LINGO1: variants seen among roughly 807,000 people sequenced by gnomAD.
LINGO1 encodes leucine-rich repeat and immunoglobulin-like domain-containing nogo receptor-interacting protein 1.
In LINGO1, 11 loss-of-function variants were observed where a neutral mutation model predicts 37.3. The observed-to-expected ratio is 0.29, with a 90% CI of 0.19 to 0.49. The LOEUF (loss-of-function observed/expected upper bound fraction) is 0.49. LINGO1 is among the 20% of genes least tolerant of loss of function. The pLI is 0.99. For synonymous variants in LINGO1, 387 were observed against 403.0 expected, an observed-to-expected ratio of 0.96 and a Z score of 0.48; for missense variants, 585 against 878.2, an observed-to-expected ratio of 0.67 and a Z score of 4.22.
At chr15:77,629,617 C>G (rs929807524) in intron 1 of LINGO1, among the ~76,000 whole-genome samples, 1 of 152,196 alleles carries the variant, frequency 6.6e-6, no homozygotes, top group Non-Finnish European at 1.5e-5. Flanking sequence ...TTGACATCAT[C>G]TAGCTCTGTG....
intron 1 of LINGO1, among the ~76,000 whole-genome samples, chr15:77,737,973 A>G (rs1336554802): frequency 6.6e-6 from 1 of 152,128 alleles, no homozygotes; most frequent in African/African-American, 2.4e-5. Flanking sequence ...GTTCGTGTTC[A>G]GAGGCCTATT....
At chr15:77,640,795 G>A (rs906885384) in intron 3 of LINGO1, among the ~76,000 whole-genome samples, 4 of 151,464 alleles carry the variant, frequency 2.6e-5, no homozygotes, top group Admixed American at 6.6e-5. Flanking sequence ...CATTGGTGGT[G>A]AGACAGGTGG....
At chr15:77,751,575 C>T (rs1021193293) in intron 1 of LINGO1, among the ~76,000 whole-genome samples, 1 of 152,142 alleles carries the variant, frequency 6.6e-6, no homozygotes, top group African/African-American at 2.4e-5. Context: ...TGGAGGGCTT[C>T]CTGGAGAAGG....
At chr15:77,655,652 C>T (rs1821809853) in intron 3 of LINGO1, among the ~76,000 whole-genome samples, 1 of 152,210 alleles carries the variant, frequency 6.6e-6, no homozygotes, top group Non-Finnish European at 1.5e-5. Context: ...TACCACCATA[C>T]CCATCTTACA....
At chr15:77,647,217 C>T (rs1226503387) in intron 3 of LINGO1, among the ~76,000 whole-genome samples, 3 of 152,044 alleles carry the variant, frequency 2.0e-5, no homozygotes, top group Non-Finnish European at 4.4e-5. Flanking sequence ...GGCAGGGTAG[C>T]TCTCGGATCA....
intron 3 of LINGO1, among the ~76,000 whole-genome samples, chr15:77,665,321 G>T (rs148405410): frequency 6.6e-6 from 1 of 152,126 alleles, no homozygotes; most frequent in African/African-American, 2.4e-5. Flanking sequence ...CAGATACCAC[G>T]CTTTGCCCTG....
At chr15:77,788,567 T>G (rs1348422022), upstream of LINGO1, 1 of 152,186 alleles carries the variant, frequency 6.6e-6, no homozygotes, top group Non-Finnish European at 1.5e-5. Flanking sequence ...CGGCACTCCT[T>G]GAGGGCCAGG....
rs1199506880 is a variant in LINGO1 at position 77,749,770 on chromosome 15, T to C, written c.-256-14717A>G. Reference sequence around the variant, plus strand: ...AGGGGAAGAAGTCAGTTATTGGCCATAGAGTTAGTCAAACATCTTCTCTCT... The same window carrying C: ...AGGGGAAGAAGTCAGTTATTGGCCACAGAGTTAGTCAAACATCTTCTCTCT... On this transcript the variant is annotated intron_variant, in intron 1 of 3. Coordinates refer to the LINGO1 transcript ENST00000561686. Among the ~76,000 whole-genome samples the C allele has an allele frequency of 7.9e-5, 12 of 152,140 alleles. 1 individual carries two copies. The highest frequency in any genetic ancestry group is 2.6e-4 in the Admixed American group (4 of 15,288).
At chr15:77,768,973 T>A (rs1270425336) in intron 1 of LINGO1, among the ~76,000 whole-genome samples, 1 of 152,150 alleles carries the variant, frequency 6.6e-6, no homozygotes, top group Non-Finnish European at 1.5e-5. Flanking sequence ...CCCTGTCCCC[T>A]CCATAGAACC....
intron 1 of LINGO1, among the ~76,000 whole-genome samples, chr15:77,628,959 C>G (rs115037558): frequency 0.016 from 2,444 of 152,328 alleles, 44 homozygotes; most frequent in African/African-American, 0.05. Flanking sequence ...GTAGCTAGCA[C>G]TTATTACAGG....
rs1596016954 is a variant in LINGO1, at chr15:77,632,262, C to A, written c.6+48G>T. On this transcript the variant is annotated intron_variant, in intron 1 of 1. Coordinates refer to ENST00000355300, the MANE Select transcript of LINGO1 (RefSeq NM_032808.7). The surrounding 1 kb of genome is among the most constrained non-coding windows in gnomAD (Gnocchi z 6.0). ...GCCGATGGCGGCCCCCAGGGGCACT[C>A]GCCGCGGGGCTGCCCGCTCGGGGCT... The A allele has an allele frequency of 7.4e-7, 1 of 1,347,786 alleles. No individual in the cohort carries two copies. The highest frequency in any genetic ancestry group is 1.9e-5 in the South Asian group (1 of 53,524). The allele number at this position is 1,347,786 out of a possible 1,614,324, so 83.5% of individuals were successfully genotyped here.
chr15:77,672,000 G>GCCGCCTCCTCCTCCTCCTCCTCCTCCT (rs1344106118), intron 3 of LINGO1, among the ~76,000 whole-genome samples: 4 of 145,570 alleles, frequency 2.7e-5, no homozygotes, highest in African/African-American at 1.1e-4. Context: ...ATGAGCCTCT[G>GCCGCCTCCTCCTCCTCCTCCTCCTCCT]CCTCCTCCTC....
At chr15:77,684,389 G>A (rs1301005990) in intron 2 of LINGO1, among the ~76,000 whole-genome samples, 1 of 152,190 alleles carries the variant, frequency 6.6e-6, no homozygotes, top group African/African-American at 2.4e-5. Flanking sequence ...GTAATTAGAG[G>A]GGGTAAGTGG....
At chr15:77,802,250 G>C (rs999463960) in intron 1 of LINGO1, among the ~76,000 whole-genome samples, 7 of 151,968 alleles carry the variant, frequency 4.6e-5, no homozygotes, top group African/African-American at 1.7e-4. Context: ...GCGGTGCAGA[G>C]GCGTGTCTGT....
chr15:77,794,585 TA>T (rs1283749286), intron 2 of LINGO1, among the ~76,000 whole-genome samples: 333 of 26,288 alleles, frequency 0.013, 7 homozygotes, highest in African/African-American at 0.025. Context: ...TATATATATA[TA>T]TATATTTTTT....
intron 3 of LINGO1, among the ~76,000 whole-genome samples, chr15:77,658,903 G>C (rs1032816093): frequency 6.6e-6 from 1 of 152,218 alleles, no homozygotes; most frequent in African/African-American, 2.4e-5. Flanking sequence ...AGGGCCCGTG[G>C]GCCCTGGAAT....
chr15:77,694,265 C>T (rs1381421608), intron 1 of LINGO1, among the ~76,000 whole-genome samples: 1 of 152,020 alleles, frequency 6.6e-6, no homozygotes, highest in Non-Finnish European at 1.5e-5. Flanking sequence ...AACGCTCCCA[C>T]CGATTCTCTA....
intron 1 of LINGO1, among the ~76,000 whole-genome samples, chr15:77,760,718 A>G (rs2076466932): frequency 3.3e-5 from 5 of 152,064 alleles, no homozygotes; most frequent in Admixed American, 3.3e-4. Flanking sequence ...CCAAATATCT[A>G]AATCTCCCCC....
chr15:77,713,889 C>T (rs907051458), intron 2 of LINGO1, among the ~76,000 whole-genome samples: 1 of 152,138 alleles, frequency 6.6e-6, no homozygotes, highest in Non-Finnish European at 1.5e-5. Context: ...GTTCCTTCTC[C>T]TCCCTCAACT....
Sources: allele counts gnomAD v4.1 joint callset (sites outside exome capture counted in the v4.1 genomes callset), GRCh38; gene constraint gnomAD v4.1.1; non-coding constraint Gnocchi (gnomAD v3.1); transcripts MANE v1.5; gene names NCBI Gene and HGNC (gene_info 2026-07-23, HGNC 2026-07-21).